The following FAM53B variants were observed in gnomAD, a reference collection of about 807,000 sequenced individuals.
The protein encoded by FAM53B is family with sequence similarity 53 member B.
Under a neutral mutation model 32.7 loss-of-function variants are expected in FAM53B, and 12 were observed. The ratio of observed to expected loss-of-function variants is 0.37; its 90% confidence interval spans 0.24 to 0.59. The LOEUF (loss-of-function observed/expected upper bound fraction) is 0.59, where lower values mean the gene tolerates loss of function less well. Among genes scored for constraint, FAM53B ranks in the 20% least tolerant of loss-of-function variants. FAM53B has a pLI of 0.72. For missense variants in FAM53B, 477 were observed against 577.7 expected (o/e 0.83, Z 1.79); for synonymous variants, 234 against 228.7 (o/e 1.02, Z -0.21).
chr10:124,724,610 G>A (rs899938778), intron 1 of FAM53B, among the ~76,000 whole-genome samples: 4 of 152,202 alleles, frequency 2.6e-5, no homozygotes, highest in African/African-American at 9.7e-5. Context: ...AGGTGACCCA[G>A]GGGATTCTAA....
intron 3 of FAM53B, among the ~76,000 whole-genome samples, chr10:124,687,457 G>A (rs1195129376): frequency 6.6e-6 from 1 of 152,200 alleles, no homozygotes; most frequent in Non-Finnish European, 1.5e-5. Flanking sequence ...TAGCTATTAT[G>A]AGAATTAAAT....
In FAM53B at chr10:124,732,478, C is replaced by A. The variant is rs552217303; in HGVS notation, c.-175+11535G>T. Among the ~76,000 whole-genome samples the A allele has an allele frequency of 3.3e-5, 5 of 152,314 alleles. No individual in the cohort carries two copies. The South Asian group carries it at 8.3e-4, about 25-fold the overall frequency. ...CACGCTCCTCCATGGCAGAGGAGCACGCCACCACGCCATGTCTCAGAACAA... is the reference window on the plus strand; with the variant it reads ...CACGCTCCTCCATGGCAGAGGAGCAAGCCACCACGCCATGTCTCAGAACAA... On this transcript the variant is annotated intron_variant, in intron 1 of 4. Coordinates refer to ENST00000337318, the MANE Select transcript of FAM53B (RefSeq NM_014661.4).
chr10:124,620,458 T>A lies in FAM53B; in HGVS notation c.*2784A>T, dbSNP rs1949302825. 6.6e-6 allele frequency: 1 copy of A among 151,454 alleles called. No homozygotes were observed. Among genetic ancestry groups the A allele is most frequent in the Admixed American group, 6.6e-5 (1 of 15,148 alleles). 9.4% of individuals were successfully genotyped at this position (151,454 alleles called of 1,614,324 possible). A position where few individuals can be genotyped will look rare whatever the true frequency, so the allele number is the denominator to read the frequency against. On this transcript the variant is annotated 3_prime_UTR_variant, in exon 5 of 5. Transcript: ENST00000337318. ...GGCTTGCTTCTGGCTCTGCCCTTCC[T>A]CAGTCTCCCCTCAGAGGCAGGGTTT...
chr10:124,661,319 T>C (rs1949629927), intron 4 of FAM53B, among the ~76,000 whole-genome samples: 1 of 152,172 alleles, frequency 6.6e-6, no homozygotes, highest in African/African-American at 2.4e-5. Flanking sequence ...CCTCTGTGAG[T>C]GTTCCCCAGG....
In FAM53B at chr10:124,623,354, T is replaced by C. The variant is rs201793513; in HGVS notation, c.1157A>G (p.Asp386Gly). The C allele has an allele frequency of 2.1e-5, 34 of 1,612,608 alleles. No individual in the cohort carries two copies. In the Admixed American group the frequency reaches 3.2e-4, roughly 15 times the overall value. Residue 386 changes from aspartate (D) to glycine (G), a missense_variant, in exon 5 of 5, where the codon GAT becomes GGT. Physicochemically the swap from Asp to Gly is moderately conservative, Grantham distance 94 (BLOSUM62 -1). Coordinates refer to ENST00000337318, the MANE Select transcript of FAM53B (RefSeq NM_014661.4). Reference protein sequence around the residue: ...EESDSCALDEDCGRRAEPAAA... With the variant: ...EESDSCALDEGCGRRAEPAAA... ...AGCCGGCTCCGCTCTCCTGCCACAA[T>C]CCTCGTCCAGGGCGCAGCTGTCTGA...
At chr10:124,672,587 T>A (rs1310885788) in intron 4 of FAM53B, among the ~76,000 whole-genome samples, 1 of 152,198 alleles carries the variant, frequency 6.6e-6, no homozygotes, top group African/African-American at 2.4e-5. Flanking sequence ...TGAGACAAGA[T>A]CCAGCGTGAC....
At chr10:124,640,124 C>G (rs1292246226) in intron 4 of FAM53B, among the ~76,000 whole-genome samples, 1 of 152,246 alleles carries the variant, frequency 6.6e-6, no homozygotes, top group East Asian at 1.9e-4. Context: ...GCTGAAAGCC[C>G]TTGGGCAGAG....
intron 3 of FAM53B, among the ~76,000 whole-genome samples, chr10:124,686,973 G>A (rs1949806724): frequency 6.6e-6 from 1 of 152,234 alleles, no homozygotes; most frequent in South Asian, 2.1e-4. Flanking sequence ...GCAAAGCACT[G>A]CTATTGTGTA....
chr10:124,699,938 T>C (rs1030843130), intron 2 of FAM53B, among the ~76,000 whole-genome samples: 8 of 152,204 alleles, frequency 5.3e-5, no homozygotes, highest in Non-Finnish European at 1.0e-4. Context: ...GAGCTCGCCC[T>C]GTGCTTCAGG....
At chr10:124,662,974 G>A (rs1424547962) in intron 4 of FAM53B, among the ~76,000 whole-genome samples, 1 of 152,230 alleles carries the variant, frequency 6.6e-6, no homozygotes, top group Admixed American at 6.5e-5. Flanking sequence ...CTGTCTACAA[G>A]CCTAGACCAG....
At chr10:124,730,417 G>T (rs556751184) in intron 1 of FAM53B, among the ~76,000 whole-genome samples, 4 of 152,242 alleles carry the variant, frequency 2.6e-5, no homozygotes, top group Non-Finnish European at 5.9e-5. Context: ...TTTAGGGACA[G>T]CCTCTTCACT....
chr10:124,637,337 G>A (rs1465202349), intron 4 of FAM53B, among the ~76,000 whole-genome samples: 1 of 152,212 alleles, frequency 6.6e-6, no homozygotes, highest in African/African-American at 2.4e-5. Context: ...GGCTCCAGCC[G>A]CCTTGTGCTG....
chr10:124,736,429 C>G (rs924307763), intron 1 of FAM53B, among the ~76,000 whole-genome samples: 11 of 152,270 alleles, frequency 7.2e-5, no homozygotes, highest in Admixed American at 2.6e-4. Flanking sequence ...CCCCCGGGCT[C>G]AGGAGCCAGG....
chr10:124,660,745 C>T (rs546255533), intron 4 of FAM53B, among the ~76,000 whole-genome samples: 1 of 152,280 alleles, frequency 6.6e-6, no homozygotes, highest in South Asian at 2.1e-4. Flanking sequence ...AGATCAGGTG[C>T]CAGCAAACTT....
intron 4 of FAM53B, among the ~76,000 whole-genome samples, chr10:124,629,426 T>G (rs971374896): frequency 6.6e-6 from 1 of 152,210 alleles, no homozygotes; most frequent in African/African-American, 2.4e-5. Context: ...TCCAGTTTTA[T>G]GGCGCTCTGT....
chr10:124,661,242 T>TA (rs925259034), intron 4 of FAM53B, among the ~76,000 whole-genome samples: 2 of 152,040 alleles, frequency 1.3e-5, no homozygotes, highest in Admixed American at 1.3e-4. Context: ...AGCAGATCTA[T>TA]AGTTAGCATA....
In FAM53B at chr10:124,620,923, TTGCGGGGA is replaced by T. The variant is rs1949306504; in HGVS notation, c.*2311_*2318del. On this transcript the variant is annotated 3_prime_UTR_variant, in exon 5 of 5. Coordinates refer to ENST00000337318, the MANE Select transcript of FAM53B (RefSeq NM_014661.4). ...GGGCTTGCTGGTCGATGGGACCAGCTTGCGGGGAGGTGGGGAGGTGGCTGTGACTCAGC... is the reference window on the plus strand; with the variant it reads ...GGGCTTGCTGGTCGATGGGACCAGCTGGTGGGGAGGTGGCTGTGACTCAGC... 6.6e-6 allele frequency: 1 copy of T among 152,180 alleles called. No individual in the cohort carries two copies. The highest frequency in any genetic ancestry group is 1.5e-5 in the Non-Finnish European group (1 of 68,070). The allele number at this position is 152,180 out of a possible 1,614,324, so 9.4% of individuals were successfully genotyped here.
chr10:124,678,836 G>A (rs569235520), intron 4 of FAM53B, among the ~76,000 whole-genome samples: 1 of 152,280 alleles, frequency 6.6e-6, no homozygotes, highest in East Asian at 1.9e-4. Flanking sequence ...GCTAACCACA[G>A]TCTATCTGGC....
intron 1 of FAM53B, among the ~76,000 whole-genome samples, chr10:124,718,142 C>T (rs1950048017): frequency 6.6e-6 from 1 of 151,900 alleles, no homozygotes; most frequent in Non-Finnish European, 1.5e-5. Flanking sequence ...CCCAACACAC[C>T]GGTCTAAGAC....
Sources: gnomAD v4.1 joint callset for allele counts (sites outside exome capture counted in the v4.1 genomes callset) on GRCh38, gnomAD v4.1.1 for gene constraint, MANE v1.5 for transcripts, NCBI Gene and HGNC (gene_info 2026-07-23, HGNC 2026-07-21) for gene names.